The following LATS2 variants were observed in gnomAD, a reference collection of about 807,000 sequenced individuals.
LATS2 encodes serine/threonine-protein kinase LATS2.
Under a neutral mutation model 76.0 loss-of-function variants are expected in LATS2, and 24 were observed. The observed-to-expected ratio is 0.32, with a 90% CI of 0.23 to 0.44. The LOEUF is 0.44. LATS2 is among the 20% of genes least tolerant of loss of function. LATS2 has a pLI of 1.00. For missense variants in LATS2, 1,286 were observed against 1,481.2 expected (o/e 0.87, Z 2.16); for synonymous variants, 692 against 635.4 (o/e 1.09, Z -1.34).
At chr13:21,054,183 G>A (rs926952399) in intron 1 of LATS2, among the ~76,000 whole-genome samples, 3 of 152,306 alleles carry the variant, frequency 2.0e-5, no homozygotes, top group South Asian at 4.1e-4. Flanking sequence ...GGGTGCAGTG[G>A]CTCATGCCTG....
chr13:21,007,622 GTGTATATA>G (rs1871354781), intron 2 of LATS2, among the ~76,000 whole-genome samples: 7 of 290 alleles, frequency 0.024, 1 homozygote, highest in African/African-American at 0.038. Context: ...TATATATATA[GTGTATATA>G]TATATATATA....
At position 21,037,992 on chromosome 13, in the gene LATS2, G is replaced by A. The variant is rs115444752; in HGVS notation, c.342+7693C>T. Among the ~76,000 whole-genome samples the A allele has an allele frequency of 7.7e-3, 1,173 of 152,290 alleles. 20 individuals are homozygous for A. Among genetic ancestry groups the A allele is most frequent in the Middle Eastern group, 0.024 (7 of 294 alleles). ...AGGGGGGCTAGACACGGTGGCCCACGTTTGTAGTCCCAGCTACCTGGGTGG... is the reference window on the plus strand; with the variant it reads ...AGGGGGGCTAGACACGGTGGCCCACATTTGTAGTCCCAGCTACCTGGGTGG... On this transcript the variant is annotated intron_variant, in intron 2 of 7. Coordinates refer to ENST00000382592, the MANE Select transcript of LATS2 (RefSeq NM_014572.3).
At position 20,979,558 on chromosome 13, in the gene LATS2, A is replaced by T. The variant is rs1325902549; in HGVS notation, c.2772+133T>A. 8.3e-5 allele frequency: 35 copies of T among 421,052 alleles called. No individual in the cohort carries two copies. In the East Asian group the frequency reaches 1.2e-3, roughly 14 times the overall value. The allele number at this position is 421,052 out of a possible 1,614,324, so 26.1% of individuals were successfully genotyped here. On this transcript the variant is annotated intron_variant, in intron 7 of 7. Coordinates refer to ENST00000382592, the MANE Select transcript of LATS2 (RefSeq NM_014572.3). ...TTTAAAAAATAATGAGATTATTTTT[A>T]AAAATCCCATCCTATACAACTGCCA...
In LATS2 at chr13:20,988,567, T is replaced by C. The variant is rs1194472965; in HGVS notation, c.1213A>G (p.Arg405Gly). 1 of 1,586,044 alleles carries C rather than the reference T, an allele frequency of 6.3e-7. No homozygotes were observed. Among genetic ancestry groups the C allele is most frequent in the Non-Finnish European group, 8.5e-7 (1 of 1,174,378 alleles). Residue 405 changes from arginine to glycine, a missense_variant, in exon 4 of 8, where the codon AGG becomes GGG. Arg to Gly is a moderately radical substitution (Grantham distance 125). Transcript: ENST00000382592. The stretch of plus-strand genomic sequence containing the variant: ...TGGTGGCTGTTGAAGGAGTTGGTCC[T>C]GCTGGGCACTGGGCAGTCAGGCCGG... ...AFRPDCPVPS[R>G]TNSFNSHQPR...
At chr13:21,032,420 C>T (rs898882897) in intron 2 of LATS2, among the ~76,000 whole-genome samples, 1 of 152,152 alleles carries the variant, frequency 6.6e-6, no homozygotes, top group Non-Finnish European at 1.5e-5. Flanking sequence ...GCGCCCACCA[C>T]CACGTCTGGC....
rs374642050 is a variant in LATS2 at position 21,037,874 on chromosome 13, G to A, written c.342+7811C>T. ...CAGCAGCTGGGATCCTGCAGCTACA[G>A]GTGGGTCCTGTCCGCCAACTCCCAG... is the stretch of plus-strand genomic sequence containing the variant. On this transcript the variant is annotated intron_variant, in intron 2 of 7. Coordinates refer to ENST00000382592, the MANE Select transcript of LATS2 (RefSeq NM_014572.3). Among the ~76,000 whole-genome samples the A allele has an allele frequency of 5.9e-5, 9 of 152,288 alleles. No homozygotes were observed. In the East Asian group the frequency reaches 1.7e-3, roughly 29 times the overall value.
chr13:21,005,969 C>T (rs575869737), intron 2 of LATS2, among the ~76,000 whole-genome samples: 4 of 151,950 alleles, frequency 2.6e-5, no homozygotes, highest in South Asian at 2.1e-4. Flanking sequence ...CAAAATTAGC[C>T]GGGAGTGGTG....
rs1170769633 is a variant in LATS2 at position 20,988,637 on chromosome 13, C to T, written c.1143G>A (p.Leu381=). Residue 381 remains leucine, a synonymous_variant, in exon 4 of 8, where the codon CTG becomes CTA. Coordinates refer to ENST00000382592, the MANE Select transcript of LATS2 (RefSeq NM_014572.3). ...PAATLARRDS[L]QKPGLEAPPR... ...GCGGCGCCTCCAGGCCCGGCTTCTG[C>T]AGGGAGTCCCGGCGGGCCAGGGTGG... The T allele has an allele frequency of 2.5e-6, 4 of 1,585,632 alleles. No individual in the cohort carries two copies. The African/African-American group carries it at 5.4e-5, about 21-fold the overall frequency.
chr13:21,021,474 C>CCAAA (rs1273299599), intron 2 of LATS2, among the ~76,000 whole-genome samples: 1 of 48,372 alleles, frequency 2.1e-5, no homozygotes, highest in African/African-American at 6.9e-5. Context: ...GACTCTGTCT[C>CCAAA]AAAAAAAAAA....
chr13:20,976,280 G>A (rs1341751009), intron 7 of LATS2, among the ~76,000 whole-genome samples: 1 of 152,200 alleles, frequency 6.6e-6, no homozygotes, highest in Non-Finnish European at 1.5e-5. Flanking sequence ...AAGTTAGTGG[G>A]TGTGTGGGTG....
At chr13:21,030,858 T>TC (rs1417324241) in intron 2 of LATS2, among the ~76,000 whole-genome samples, 1 of 152,054 alleles carries the variant, frequency 6.6e-6, no homozygotes, top group Non-Finnish European at 1.5e-5. Flanking sequence ...TTAGCATTTT[T>TC]CCCCCCATAC....
At chr13:21,017,412 C>G (rs1265382916) in intron 2 of LATS2, among the ~76,000 whole-genome samples, 1 of 151,888 alleles carries the variant, frequency 6.6e-6, no homozygotes, top group African/African-American at 2.4e-5. Context: ...TGGCCTCAAG[C>G]GATCCACCAG....
chr13:21,021,474 C>CCAAAAA (rs1273299599), intron 2 of LATS2, among the ~76,000 whole-genome samples: 1 of 48,372 alleles, frequency 2.1e-5, no homozygotes, highest in African/African-American at 6.9e-5. Flanking sequence ...GACTCTGTCT[C>CCAAAAA]AAAAAAAAAA....
intron 1 of LATS2, among the ~76,000 whole-genome samples, chr13:21,054,876 G>A (rs1480477077): frequency 2.0e-5 from 3 of 152,296 alleles, no homozygotes; most frequent in South Asian, 4.1e-4. Flanking sequence ...TGTTTGGTAC[G>A]GAGGGAGGGG....
intron 2 of LATS2, among the ~76,000 whole-genome samples, chr13:21,002,960 C>G (rs966420045): frequency 6.6e-5 from 10 of 152,142 alleles, no homozygotes; most frequent in Admixed American, 1.3e-4. Flanking sequence ...ACCTCAGCTT[C>G]CCAAAGTGTT....
rs1210236791 is a variant in LATS2, at chr13:21,043,533, G to A, written c.342+2152C>T. Among the ~76,000 whole-genome samples, 6 of 152,112 alleles carry A rather than the reference G, an allele frequency of 3.9e-5. No individual in the cohort carries two copies. In the East Asian group the frequency reaches 5.8e-4, roughly 15 times the overall value. On this transcript the variant is annotated intron_variant, in intron 2 of 7. Transcript: ENST00000382592. ...TGTGAGTTGGAGGGGAAAGGTGGAG[G>A]CACAGCTGTTTTAAGTTATAAAGTA... is the stretch of plus-strand genomic sequence containing the variant.
chr13:21,026,160 C>T (rs943049656), intron 2 of LATS2, among the ~76,000 whole-genome samples: 2 of 152,172 alleles, frequency 1.3e-5, no homozygotes, highest in African/African-American at 4.8e-5. Context: ...TCCACTGTAA[C>T]TGGACCGTTC....
intron 2 of LATS2, among the ~76,000 whole-genome samples, chr13:20,992,089 G>A (rs1870532594): frequency 6.6e-6 from 1 of 152,220 alleles, no homozygotes; most frequent in Admixed American, 6.5e-5. Flanking sequence ...GGCCACAGGA[G>A]AAAGCCTCCT....
chr13:20,995,177 T>G (rs192293712), intron 2 of LATS2, among the ~76,000 whole-genome samples: 64 of 152,316 alleles, frequency 4.2e-4, no homozygotes, highest in Non-Finnish European at 8.2e-4. Context: ...GCTGTTACAG[T>G]TCACAAAGGT....
Sources: gnomAD v4.1 joint callset for allele counts (sites outside exome capture counted in the v4.1 genomes callset) on GRCh38, gnomAD v4.1.1 for gene constraint, MANE v1.5 for transcripts, NCBI Gene and HGNC (gene_info 2026-07-23, HGNC 2026-07-21) for gene names.